Variants in PIGX observed in about 807,000 individuals in gnomAD.
PIGX encodes GPI alpha-1,4-mannosyltransferase I, stabilizing subunit.
In PIGX, 24 loss-of-function variants were observed where a neutral mutation model predicts 28.7. That is an observed-to-expected ratio of 0.84 (90% CI 0.60 to 1.17). The LOEUF (loss-of-function observed/expected upper bound fraction) is 1.17, where lower values mean the gene tolerates loss of function less well. Ranked by LOEUF, PIGX falls within the 50% of genes most tolerant of loss-of-function variation. The probability of loss-of-function intolerance (pLI) is 0.00; values close to 1 mark genes in which losing one functional copy is unlikely to be tolerated. For missense variants in PIGX, 305 were observed against 317.8 expected (o/e 0.96, Z 0.31); for synonymous variants, 127 against 121.0 (o/e 1.05, Z -0.33).
At chr3:196,732,243 TATATATATATATA>T (rs1560080615) in intron 5 of PIGX, among the ~76,000 whole-genome samples, 2,936 of 51,550 alleles carry the variant, frequency 0.057, 146 homozygotes, top group Non-Finnish European at 0.068. Flanking sequence ...TATATATATA[TATATATATATATA>T]TTTTATTTTA....
At position 196,722,573 on chromosome 3, in the gene PIGX, A is replaced by AT. The variant is rs774321275; in HGVS notation, c.318+23dup. The AT allele has an allele frequency of 1.5e-5, 24 of 1,603,478 alleles. No homozygotes were observed. In the East Asian group the frequency reaches 3.8e-4, roughly 25 times the overall value. ...ATAACAGAGGTACAGTTATTAGGGG[A>AT]TTTTTTGGGAGAGAAATTAATTTAG... On this transcript the variant is annotated intron_variant, in intron 3 of 5. Coordinates refer to ENST00000392391, the MANE Select transcript of PIGX (RefSeq NM_017861.4).
Position 196,712,464 on chromosome 3 carries a change from C to A in PIGX, c.-69C>A. 2 of 693,414 alleles carry A rather than the reference C, an allele frequency of 2.9e-6. No homozygotes were observed. The highest frequency in any genetic ancestry group is 3.8e-6 in the Non-Finnish European group (2 of 521,702). 43.0% of individuals were successfully genotyped at this position (693,414 alleles called of 1,614,324 possible). ...GGCAGCGCGCGGTAGGAGCTGCGGG[C>A]GGCCAGGCCCCTTCCTGCGTCCGCA... On this transcript the variant is annotated 5_prime_UTR_variant, in exon 1 of 6. Coordinates refer to ENST00000392391, the MANE Select transcript of PIGX (RefSeq NM_017861.4).
chr3:196,716,774 A>T (rs1403014966), intron 1 of PIGX, 84 bp from the exon 2 acceptor site: 1 of 617,650 alleles, frequency 1.6e-6, no homozygotes, highest in Non-Finnish European at 2.5e-6. Flanking sequence ...AGTAAAGCCT[A>T]CTAAAATAAC....
At chr3:196,729,409 C>CTTT (rs1560079280) in intron 4 of PIGX, among the ~76,000 whole-genome samples, 4 of 150,486 alleles carry the variant, frequency 2.7e-5, no homozygotes, top group African/African-American at 9.9e-5. Flanking sequence ...TTCTTTCTTT[C>CTTT]TTATTTTTTT....
intron 3 of PIGX, among the ~76,000 whole-genome samples, chr3:196,727,164 T>C (rs1033284540): frequency 5.9e-5 from 9 of 152,192 alleles, no homozygotes; most frequent in African/African-American, 1.9e-4. Flanking sequence ...TGTACATCCA[T>C]ACATATACAC....
At chr3:196,721,286 T>C in intron 2 of PIGX, 1 of 262,484 alleles carries the variant, frequency 3.8e-6, no homozygotes, top group Non-Finnish European at 7.5e-6. Context: ...GTGTGGGTAG[T>C]TTCTGTTGCT....
chr3:196,713,178 A>C, intron 1 of PIGX: 8 of 760,718 alleles, frequency 1.1e-5, no homozygotes, highest in Non-Finnish European at 1.3e-5. Flanking sequence ...CATCTGTAAA[A>C]TGAGGATGTT....
intron 2 of PIGX, among the ~76,000 whole-genome samples, chr3:196,719,596 A>G (rs1380475584): frequency 6.6e-6 from 1 of 152,144 alleles, no homozygotes; most frequent in African/African-American, 2.4e-5. Flanking sequence ...ATTTTATTCC[A>G]TGTCACAGAT....
intron 1 of PIGX, among the ~76,000 whole-genome samples, chr3:196,714,668 G>A (rs1712014024): frequency 6.6e-6 from 1 of 152,108 alleles, no homozygotes; most frequent in Admixed American, 6.5e-5. Flanking sequence ...CACCATGTTG[G>A]CCAGGTTGGT....
Position 196,730,855 on chromosome 3 carries a change from A to G in PIGX, c.533-137A>G, listed in dbSNP as rs1712723000. 7 of 403,512 alleles carry G rather than the reference A, an allele frequency of 1.7e-5. No homozygotes were observed. The South Asian group carries it at 4.6e-4, about 27-fold the overall frequency. The allele number at this position is 403,512 out of a possible 1,614,324, so 25.0% of individuals were successfully genotyped here. A position where few individuals can be genotyped will look rare whatever the true frequency, so the allele number is the denominator to read the frequency against. ...ATAAAAAAGGATGCTAAAATAACAG[A>G]ATGTGATAGATGGGTCCAGATCATA... is the stretch of plus-strand genomic sequence containing the variant. On this transcript the variant is annotated intron_variant, in intron 4 of 5. Coordinates refer to ENST00000392391, the MANE Select transcript of PIGX (RefSeq NM_017861.4).
chr3:196,719,875 C>T (rs1397432383), intron 2 of PIGX, among the ~76,000 whole-genome samples: 3 of 151,968 alleles, frequency 2.0e-5, no homozygotes, highest in Non-Finnish European at 4.4e-5. Context: ...CTGCAACTTC[C>T]GATTCCCTGG....
intron 1 of PIGX, among the ~76,000 whole-genome samples, chr3:196,714,245 C>G (rs984041544): frequency 2.6e-5 from 4 of 152,146 alleles, no homozygotes; most frequent in Admixed American, 2.6e-4. Flanking sequence ...GGAAGGATTG[C>G]TTGAGGCCAA....
In PIGX at chr3:196,728,076, G is replaced by A; in HGVS notation, c.472G>A (p.Glu158Lys). The change falls in exon 4 of 6, where the codon GAA becomes AAA. Residue 158 changes from glutamate to lysine, a missense_variant. By Grantham distance (56) the Glu-to-Lys change is moderately conservative. Transcript: ENST00000392391. ...CTGCCGCTATCATCGGCCGCACAGT[G>A]AAGATGGAGAAGCCTCGATTGTGGT... 1 of 1,614,158 alleles carries A rather than the reference G, an allele frequency of 6.2e-7. No homozygotes were observed. Among genetic ancestry groups the A allele is most frequent in the Non-Finnish European group, 8.5e-7 (1 of 1,180,016 alleles).
At chr3:196,715,894 T>C (rs1278660824) in intron 1 of PIGX, among the ~76,000 whole-genome samples, 1 of 152,212 alleles carries the variant, frequency 6.6e-6, no homozygotes, top group Non-Finnish European at 1.5e-5. Flanking sequence ...TTTTAAATGT[T>C]CTTCCCACAG....
chr3:196,730,747 CAAAAAAA>C (rs965830812), intron 4 of PIGX, among the ~76,000 whole-genome samples: 1 of 40,732 alleles, frequency 2.5e-5, no homozygotes, highest in African/African-American at 8.0e-5. Context: ...GACTCTGTCT[CAAAAAAA>C]AAAAAAAAAA....
In PIGX at chr3:196,730,576, G is replaced by A. The variant is rs111282155; in HGVS notation, c.533-416G>A. Among the ~76,000 whole-genome samples the A allele has an allele frequency of 2.0e-3, 302 of 151,508 alleles. 1 individual carries two copies. Among genetic ancestry groups the A allele is most frequent in the African/African-American group, 6.8e-3 (280 of 41,314 alleles). ...CATCCTGGCCAAGATGGTGAAACCC[G>A]ATCTCTACTAAAAATACAAAAATTA... On this transcript the variant is annotated intron_variant, in intron 4 of 5. Coordinates refer to ENST00000392391, the MANE Select transcript of PIGX (RefSeq NM_017861.4).
chr3:196,729,826 T>C (rs1262185164), intron 4 of PIGX, among the ~76,000 whole-genome samples: 1 of 150,996 alleles, frequency 6.6e-6, no homozygotes, highest in African/African-American at 2.4e-5. Context: ...TCCCAGCACT[T>C]TGGGAGGCCG....
chr3:196,712,786 T>C (rs1711883134), intron 1 of PIGX, 142 bp downstream of exon 1: 1 of 1,107,948 alleles, frequency 9.0e-7, no homozygotes, highest in Non-Finnish European at 1.1e-6. Flanking sequence ...ACTAGAGCCG[T>C]GTGCCCTCCT....
chr3:196,713,692 C>T (rs1711944115), intron 1 of PIGX, among the ~76,000 whole-genome samples: 1 of 151,750 alleles, frequency 6.6e-6, no homozygotes, highest in African/African-American at 2.4e-5. Context: ...TCAAAATTAG[C>T]GGGGCGTGAT....
Sources: gnomAD v4.1 joint callset for allele counts (sites outside exome capture counted in the v4.1 genomes callset) on GRCh38, gnomAD v4.1.1 for gene constraint, MANE v1.5 for transcripts, NCBI Gene and HGNC (gene_info 2026-07-23, HGNC 2026-07-21) for gene names.